The following SYT1 variants were observed in gnomAD, a reference collection of about 807,000 sequenced individuals.
SYT1 encodes the protein synaptotagmin-1.
Under a neutral mutation model 44.8 loss-of-function variants are expected in SYT1, and 8 were observed. The observed-to-expected ratio is 0.18, with a 90% CI of 0.10 to 0.32. The LOEUF (loss-of-function observed/expected upper bound fraction) is 0.32. SYT1 is among the 10% of genes least tolerant of loss of function. The pLI, the probability that SYT1 is intolerant of heterozygous loss-of-function variation, is 1.00. For synonymous variants in SYT1, 154 were observed against 188.8 expected, an observed-to-expected ratio of 0.82 and a Z score of 1.51; for missense variants, 286 against 509.3, an observed-to-expected ratio of 0.56 and a Z score of 4.22.
At chr12:79,341,660 C>CTTTT (rs34759181) in intron 8 of SYT1, among the ~76,000 whole-genome samples, 24 of 63,100 alleles carry the variant, frequency 3.8e-4, no homozygotes, top group East Asian at 6.3e-4. Context: ...TACATTCATT[C>CTTTT]TTTTTTTTTT....
intron 2 of SYT1, among the ~76,000 whole-genome samples, chr12:78,992,659 C>T (rs1045926082): frequency 8.5e-5 from 13 of 152,060 alleles, no homozygotes; most frequent in Non-Finnish European, 1.6e-4. Flanking sequence ...AACATGAAAA[C>T]CCCCTAAAAA....
intron 9 of SYT1, among the ~76,000 whole-genome samples, chr12:79,413,483 A>G (rs933399543): frequency 2.6e-5 from 4 of 152,202 alleles, no homozygotes; most frequent in Non-Finnish European, 5.9e-5. Context: ...GCCTTTAAAT[A>G]TCTGATGTTG....
At chr12:78,940,230 T>G (rs61929229) in intron 1 of SYT1, among the ~76,000 whole-genome samples, 8,954 of 152,216 alleles carry the variant, frequency 0.059, 288 homozygotes, top group Admixed American at 0.089. Context: ...TCTGTTCTCA[T>G]GGAAGATGAG....
chr12:79,043,899 T>C (rs984965335), intron 2 of SYT1, among the ~76,000 whole-genome samples: 1 of 152,228 alleles, frequency 6.6e-6, no homozygotes, highest in Non-Finnish European at 1.5e-5. Flanking sequence ...TTAGTTTGGC[T>C]GGATATGAAA....
intron 1 of SYT1, among the ~76,000 whole-genome samples, chr12:78,919,346 T>C (rs1846240441): frequency 6.6e-6 from 1 of 152,070 alleles, no homozygotes; most frequent in African/African-American, 2.4e-5. Context: ...CTGAAGGATG[T>C]CAAGGGAAGC....
chr12:78,973,300 C>G (rs1217745520), intron 1 of SYT1, among the ~76,000 whole-genome samples: 1 of 151,988 alleles, frequency 6.6e-6, no homozygotes, highest in Non-Finnish European at 1.5e-5. Flanking sequence ...TTATGACTAC[C>G]TCATATTATT....
At chr12:79,371,913 C>A (rs1355305648) in intron 9 of SYT1, among the ~76,000 whole-genome samples, 1 of 152,162 alleles carries the variant, frequency 6.6e-6, no homozygotes. Context: ...TCCCACATAT[C>A]CTAAACCCAT....
chr12:79,172,101 C>A (rs564887447), intron 3 of SYT1, among the ~76,000 whole-genome samples: 1 of 151,804 alleles, frequency 6.6e-6, no homozygotes, highest in South Asian at 2.1e-4. Flanking sequence ...TTTCCAAGTG[C>A]CTAAGTAATT....
rs1592655154 is a variant in SYT1 at position 79,007,100 on chromosome 12, A to C, written c.-84+29169A>C. Among the ~76,000 whole-genome samples, 3 of 152,144 alleles carry C rather than the reference A, an allele frequency of 2.0e-5. No homozygotes were observed. In the East Asian group the frequency reaches 5.8e-4, roughly 29 times the overall value. ...TTGGCCATTTTTCAGCAAAAGGGCC[A>C]CTCCTGCTGCTGACAGGCATGACAG... On this transcript the variant is annotated intron_variant, in intron 2 of 10. Transcript: ENST00000261205.
At chr12:78,996,884 T>C (rs529677346) in intron 2 of SYT1, among the ~76,000 whole-genome samples, 2 of 152,326 alleles carry the variant, frequency 1.3e-5, no homozygotes, top group East Asian at 3.9e-4. Flanking sequence ...ATAGGCCTGG[T>C]CACTGTATGA....
At chr12:79,316,884 T>C (rs1342346346) in intron 8 of SYT1, among the ~76,000 whole-genome samples, 1 of 152,220 alleles carries the variant, frequency 6.6e-6, no homozygotes, top group Non-Finnish European at 1.5e-5. Context: ...TAGGAGAAAG[T>C]ATGGCATGGA....
chr12:79,002,167 AT>A (rs1329811830), intron 2 of SYT1, among the ~76,000 whole-genome samples: 92 of 152,244 alleles, frequency 6.0e-4, no homozygotes, highest in Non-Finnish European at 7.5e-4. Context: ...AATCAATTTT[AT>A]TATAGACTTA....
At chr12:79,159,871 G>A (rs1870841870) in intron 3 of SYT1, among the ~76,000 whole-genome samples, 1 of 152,102 alleles carries the variant, frequency 6.6e-6, no homozygotes, top group South Asian at 2.1e-4. Flanking sequence ...AAATGTAGCA[G>A]GGAATGCATC....
chr12:79,071,962 T>C (rs1169603800), intron 3 of SYT1, among the ~76,000 whole-genome samples: 1 of 152,116 alleles, frequency 6.6e-6, no homozygotes, highest in African/African-American at 2.4e-5. Flanking sequence ...CTCAGCTAGG[T>C]GCTCATTAAA....
At chr12:78,904,399 C>T (rs1305535633) in intron 1 of SYT1, among the ~76,000 whole-genome samples, 1 of 152,062 alleles carries the variant, frequency 6.6e-6, no homozygotes, top group East Asian at 1.9e-4. Context: ...AGTAAGTATT[C>T]AATGAGCACC....
At chr12:79,375,811 C>T (rs1883971287) in intron 9 of SYT1, among the ~76,000 whole-genome samples, 2 of 152,036 alleles carry the variant, frequency 1.3e-5, no homozygotes, top group African/African-American at 4.8e-5. Context: ...AAACCAGGTA[C>T]CTAGCAGGGC....
intron 3 of SYT1, among the ~76,000 whole-genome samples, chr12:79,108,761 C>T (rs539894908): frequency 6.6e-6 from 1 of 152,100 alleles, no homozygotes; most frequent in Non-Finnish European, 1.5e-5. Context: ...AAATATAGTA[C>T]TTCTTTAAAA....
intron 1 of SYT1, among the ~76,000 whole-genome samples, chr12:78,951,540 A>G (rs1878969708): frequency 6.6e-6 from 1 of 152,180 alleles, no homozygotes; most frequent in Non-Finnish European, 1.5e-5. Context: ...GGACAACATT[A>G]ATATGGTATC....
chr12:79,020,743 G>T (rs1872138846), intron 2 of SYT1, among the ~76,000 whole-genome samples: 1 of 151,874 alleles, frequency 6.6e-6, no homozygotes, highest in Non-Finnish European at 1.5e-5. Flanking sequence ...GCACTTTGAA[G>T]AAAATGCATC....
Sources: gnomAD v4.1 joint callset for allele counts (sites outside exome capture counted in the v4.1 genomes callset) on GRCh38, gnomAD v4.1.1 for gene constraint, MANE v1.5 for transcripts, NCBI Gene and HGNC (gene_info 2026-07-23, HGNC 2026-07-21) for gene names.